Variants in BRWD1 observed in about 807,000 individuals in gnomAD.
BRWD1 encodes bromodomain and WD repeat domain containing 1, also known as bromodomain and WD repeat-containing protein 1.
BRWD1 carries 82 observed loss-of-function variants against 251.2 expected under a neutral mutation model. The ratio of observed to expected loss-of-function variants is 0.33; its 90% CI spans 0.27 to 0.39. The LOEUF is 0.39. Among genes scored for constraint, BRWD1 ranks in the 10% least tolerant of loss-of-function variants. The pLI is 1.00. For synonymous variants in BRWD1, 918 were observed against 902.8 expected (o/e 1.02, Z -0.30); for missense variants, 2,233 against 2,711.6 (o/e 0.82, Z 3.92).
chr21:39,264,227 A>C (rs2034845813), intron 17 of BRWD1, among the ~76,000 whole-genome samples: 1 of 152,152 alleles, frequency 6.6e-6, no homozygotes, highest in South Asian at 2.1e-4. Flanking sequence ...AAACGTCCTA[A>C]TTGTCATAAG....
chr21:39,315,532 G>T (rs1272641574), upstream of BRWD1, among the ~76,000 whole-genome samples: 1 of 152,016 alleles, frequency 6.6e-6, no homozygotes, highest in Non-Finnish European at 1.5e-5. Context: ...TACTTGAGAG[G>T]CTGAGGCAGG....
Position 39,193,339 on chromosome 21 carries a change from G to A in BRWD1, c.*2920C>T, listed in dbSNP as rs868609166. On this transcript the variant is annotated 3_prime_UTR_variant, in exon 41 of 41. Transcript: ENST00000342449. ...CTTACAAAAAGGGAGGCTGACCTTAGGAATTATTTGAATATGGGATAAACT... is the reference window on the plus strand; with the variant it reads ...CTTACAAAAAGGGAGGCTGACCTTAAGAATTATTTGAATATGGGATAAACT... 2.0e-6 allele frequency: 2 copies of A among 984,788 alleles called. No homozygotes were observed. The highest frequency in any genetic ancestry group is 4.7e-5 in the South Asian group (1 of 21,286). The allele number at this position is 984,788 out of a possible 1,614,324, so 61.0% of individuals were successfully genotyped here. A position where few individuals can be genotyped will look rare whatever the true frequency, so the allele number is the denominator to read the frequency against.
At position 39,258,532 on chromosome 21, in the gene BRWD1, T is replaced by C; in HGVS notation, c.2026A>G (p.Thr676Ala). The change falls in exon 18 of 41, where the codon ACT (threonine) becomes GCT (alanine). Residue 676 changes from threonine (T) to alanine (A), a missense_variant. Around this residue, in one of 12 missense-constraint regions of BRWD1, gnomAD observed 73 missense variants for 68.1 expected, o/e 1.07. Coordinates refer to ENST00000342449, the MANE Select transcript of BRWD1 (RefSeq NM_033656.4). Reference protein sequence around the residue: ...QDQRMGADQDTIPRGLSNGEE... With the variant: ...QDQRMGADQDAIPRGLSNGEE... ...CCATTTGAAAGTCCTCTTGGAATAG[T>C]ATCCTGATCTGCTCCCATTCTCTGA... 3.1e-6 allele frequency: 5 copies of C among 1,610,376 alleles called. No homozygotes were observed. Among genetic ancestry groups the C allele is most frequent in the Non-Finnish European group, 4.2e-6 (5 of 1,178,252 alleles).
intron 4 of BRWD1, among the ~76,000 whole-genome samples, chr21:39,305,268 G>A (rs373468438): frequency 2.0e-5 from 3 of 152,056 alleles, no homozygotes; most frequent in African/African-American, 4.8e-5. Context: ...CGTAGTTGGA[G>A]ATTTTAACAA....
At chr21:39,267,616 A>G (rs1019770841) in intron 15 of BRWD1, among the ~76,000 whole-genome samples, 10 of 152,174 alleles carry the variant, frequency 6.6e-5, no homozygotes, top group Non-Finnish European at 1.5e-4. Context: ...ACAATAAAAA[A>G]TTGCACTTTG....
chr21:39,283,025 T>C (rs183254592), intron 8 of BRWD1, among the ~76,000 whole-genome samples: 1 of 152,156 alleles, frequency 6.6e-6, no homozygotes. Flanking sequence ...AAGTCACCTG[T>C]TCTAAATCAA....
At position 39,309,682 on chromosome 21, in the gene BRWD1, G is replaced by A. The variant is rs145970723; in HGVS notation, c.198+3159C>T. ...TACTAAAAATACAGAAAAATTAGCC[G>A]GGCGTGGTGGCGGACGCCTGTAGTC... On this transcript the variant is annotated intron_variant, in intron 4 of 40. Coordinates refer to ENST00000342449, the MANE Select transcript of BRWD1 (RefSeq NM_033656.4). 1.3e-3 allele frequency among the ~76,000 whole-genome samples: 204 copies of A among 151,936 alleles called. 2 individuals carry two copies. The highest frequency in any genetic ancestry group is 3.3e-3 in the African/African-American group (138 of 41,426).
In BRWD1 at chr21:39,250,903, T is replaced by C. The variant is rs779387397; in HGVS notation, c.2256-14A>G. ...TCTTCCAGCTTCCTACAAATTTAAA[T>C]ACCCAGTTATATTAACTACTGAACT... On this transcript the variant is annotated splice_polypyrimidine_tract_variant and intron_variant, in intron 19 of 40. Transcript: ENST00000342449. 4.0e-6 allele frequency: 6 copies of C among 1,504,826 alleles called. No individual in the cohort carries two copies. The highest frequency in any genetic ancestry group is 5.5e-6 in the Non-Finnish European group (6 of 1,095,082). The allele number at this position is 1,504,826 out of a possible 1,614,324, so 93.2% of individuals were successfully genotyped here.
chr21:39,231,709 T>C, intron 25 of BRWD1, among the ~76,000 whole-genome samples: 1 of 152,202 alleles, frequency 6.6e-6, no homozygotes, highest in East Asian at 1.9e-4. Flanking sequence ...TCTTTGCCAC[T>C]TGCTAAAATG....
At chr21:39,277,865 G>A (rs1172038882) in intron 10 of BRWD1, among the ~76,000 whole-genome samples, 4 of 151,410 alleles carry the variant, frequency 2.6e-5, no homozygotes, top group African/African-American at 7.3e-5. Flanking sequence ...CTGGTGGGGC[G>A]GGGAACATGG....
At chr21:39,215,434 G>T in intron 31 of BRWD1, 72 bp from the exon 32 acceptor site, 1 of 1,323,850 alleles carries the variant, frequency 7.6e-7, no homozygotes, top group Non-Finnish European at 1.1e-6. Context: ...AATGCAGCAT[G>T]TGAATTAAAC....
At chr21:39,247,621 G>T (rs1271585517) in intron 21 of BRWD1, 80 bp downstream of exon 21, 25 of 1,348,554 alleles carry the variant, frequency 1.9e-5, no homozygotes, top group Non-Finnish European at 1.9e-5. Flanking sequence ...ATATAAATTT[G>T]GGGTATATTC....
chr21:39,285,903 C>T (rs1255635518), intron 8 of BRWD1, among the ~76,000 whole-genome samples: 1 of 143,392 alleles, frequency 7.0e-6, no homozygotes, highest in African/African-American at 2.5e-5. Flanking sequence ...AGAATGTATT[C>T]GTCAAAGGTA....
At chr21:39,222,701 C>G (rs2033225732) in intron 29 of BRWD1, among the ~76,000 whole-genome samples, 1 of 152,030 alleles carries the variant, frequency 6.6e-6, no homozygotes, top group Admixed American at 6.6e-5. Context: ...ACATGTAAGA[C>G]AATGAAAACA....
chr21:39,243,155 T>C (rs943030766), intron 21 of BRWD1, among the ~76,000 whole-genome samples: 15 of 152,172 alleles, frequency 9.9e-5, no homozygotes, highest in Non-Finnish European at 2.1e-4. Flanking sequence ...AAACAAATCA[T>C]GTGCTTTCTG....
At chr21:39,265,807 C>T (rs1009356426) in intron 15 of BRWD1, among the ~76,000 whole-genome samples, 3 of 152,124 alleles carry the variant, frequency 2.0e-5, no homozygotes, top group African/African-American at 7.2e-5. Context: ...GCAATGCTGC[C>T]GGGTCTCAAG....
chr21:39,210,148 C>A lies in BRWD1; in HGVS notation c.4045-1G>T. On this transcript the variant is annotated splice_acceptor_variant, in intron 35 of 40. Coordinates refer to ENST00000342449, the MANE Select transcript of BRWD1 (RefSeq NM_033656.4). LOFTEE classifies it high-confidence loss of function. ...GGGTATCTATAATATCTCTGTAGTC[C>A]TAGGTTTTAAACACAATATTTAATT... The A allele has an allele frequency of 6.2e-7, 1 of 1,602,694 alleles. No individual in the cohort carries two copies. Among genetic ancestry groups the A allele is most frequent in the Non-Finnish European group, 8.5e-7 (1 of 1,172,760 alleles).
intron 19 of BRWD1, among the ~76,000 whole-genome samples, chr21:39,251,174 G>A (rs930564528): frequency 5.3e-5 from 8 of 152,108 alleles, no homozygotes; most frequent in South Asian, 4.2e-4. Context: ...TTTTCAAAAC[G>A]TCTTCATGAT....
chr21:39,299,258 A>AT (rs2036042168), intron 4 of BRWD1, among the ~76,000 whole-genome samples: 1 of 125,632 alleles, frequency 8.0e-6, no homozygotes, highest in African/African-American at 3.0e-5. Flanking sequence ...AAAAAAAAAA[A>AT]AATATATATA....
Sources: allele counts gnomAD v4.1 joint callset (sites outside exome capture counted in the v4.1 genomes callset), GRCh38; gene constraint gnomAD v4.1.1; regional missense constraint gnomAD v4.1.1; transcripts MANE v1.5; gene names NCBI Gene and HGNC (gene_info 2026-07-23, HGNC 2026-07-21).